Variants in SELE observed in about 807,000 individuals in gnomAD.
The protein encoded by SELE is E-selectin.
In SELE, 52 loss-of-function variants were observed where a neutral mutation model predicts 75.8. The observed-to-expected ratio is 0.69, with a 90% confidence interval of 0.55 to 0.86. The LOEUF is 0.86. Among genes scored for constraint, SELE ranks in the 40% least tolerant of loss-of-function variants. The probability of loss-of-function intolerance (pLI) is 0.00; values close to 1 mark genes in which losing one functional copy is unlikely to be tolerated. For missense variants in SELE, 754 were observed against 732.7 expected, an observed-to-expected ratio of 1.03 and a Z score of -0.34; for synonymous variants, 285 against 258.7, an observed-to-expected ratio of 1.10 and a Z score of -0.98.
At chr1:169,732,337 GTATA>G (rs1052284876) in intron 3 of SELE, among the ~76,000 whole-genome samples, 1 of 145,512 alleles carries the variant, frequency 6.9e-6, no homozygotes, top group Non-Finnish European at 1.5e-5. Context: ...ATGTGTGTAT[GTATA>G]TATATAAAAT....
At position 169,723,774 on chromosome 1, in the gene SELE, A is replaced by G. The variant is rs1558012269; in HGVS notation, c.*751T>C. 2 of 152,362 alleles carry G rather than the reference A, an allele frequency of 1.3e-5. No individual in the cohort carries two copies. Among genetic ancestry groups the G allele is most frequent in the Admixed American group, 6.5e-5 (1 of 15,304 alleles). 9.4% of individuals were successfully genotyped at this position (152,362 alleles called of 1,614,324 possible). A position where few individuals can be genotyped will look rare whatever the true frequency, so the allele number is the denominator to read the frequency against. On this transcript the variant is annotated 3_prime_UTR_variant, in exon 14 of 14. Coordinates refer to ENST00000333360, the MANE Select transcript of SELE (RefSeq NM_000450.2). Reference sequence around the variant, plus strand: ...TAATCTAGAATAAGTAACTTTTACCATATCATAGTTGACAGCATTTACAAG... The same window carrying G: ...TAATCTAGAATAAGTAACTTTTACCGTATCATAGTTGACAGCATTTACAAG...
chr1:169,732,575 AC>A, intron 3 of SELE, 39 bp downstream of exon 3: 1 of 1,520,440 alleles, frequency 6.6e-7, no homozygotes, highest in Non-Finnish European at 8.8e-7. Flanking sequence ...AGATGCCCAC[AC>A]ACTGAAACTA....
intron 5 of SELE, 116 bp downstream of exon 5, chr1:169,730,316 A>C: frequency 1.0e-6 from 1 of 982,524 alleles, no homozygotes; most frequent in Non-Finnish European, 1.4e-6. Flanking sequence ...ATTGTATTAA[A>C]AACAAAAACA....
intron 5 of SELE, 59 bp downstream of exon 5, chr1:169,730,373 A>G (rs1224756888): frequency 1.5e-6 from 2 of 1,378,456 alleles, no homozygotes; most frequent in East Asian, 4.8e-5. Context: ...TTGAATCAAA[A>G]AACAGAAGCA....
At chr1:169,731,252 T>G (rs952239224) in intron 4 of SELE, among the ~76,000 whole-genome samples, 65 of 152,340 alleles carry the variant, frequency 4.3e-4, no homozygotes, top group African/African-American at 1.5e-3. Context: ...AACATTTCCA[T>G]TATCACAAAA....
chr1:169,727,670 G>C (rs1011400742), intron 9 of SELE, 69 bp downstream of exon 9: 9 of 1,554,820 alleles, frequency 5.8e-6, no homozygotes, highest in Non-Finnish European at 7.9e-6. Context: ...CCCCTTTGGG[G>C]CAATCTAGGT....
In SELE at chr1:169,726,784, G is replaced by C; in HGVS notation, c.1668C>G (p.Pro556=). ...TCEAPTESNI[P]LVAGLSAAGL... ...CAGCAGCAGAAAGTCCAGCTACCAA[G>C]GGAATGTTGGACTCAGTGGGAGCTA... The change falls in exon 11 of 14, where the codon CCC becomes CCG. Residue 556 remains proline, a synonymous_variant. Transcript: ENST00000333360. The C allele has an allele frequency of 6.2e-7, 1 of 1,613,252 alleles. No individual in the cohort carries two copies. The highest frequency in any genetic ancestry group is 2.2e-5 in the East Asian group (1 of 44,832).
chr1:169,728,327 T>C, intron 7 of SELE, 81 bp from the exon 8 acceptor site: 2 of 1,275,752 alleles, frequency 1.6e-6, no homozygotes, highest in Non-Finnish European at 2.2e-6. Context: ...ACCCAGTTCA[T>C]TCAAGCAACA....
At position 169,730,535 on chromosome 1, in the gene SELE, A is replaced by C; in HGVS notation, c.612T>G (p.Ser204=). Residue 204 remains serine, a synonymous_variant, in exon 5 of 14, where the codon TCT becomes TCG. Transcript: ENST00000333360. ...SHPLGNFSYN[S]SCSISCDRGY... is the part of the protein sequence containing the mutation. Reference sequence around the variant, plus strand: ...CCCTATCACAGCTGATAGAGCAGGAAGAATTGTAGCTGAAGTTTCCCAGTG... The same window carrying C: ...CCCTATCACAGCTGATAGAGCAGGACGAATTGTAGCTGAAGTTTCCCAGTG... The C allele has an allele frequency of 6.2e-7, 1 of 1,614,052 alleles. No homozygotes were observed. Among genetic ancestry groups the C allele is most frequent in the South Asian group, 1.1e-5 (1 of 91,084 alleles).
At chr1:169,725,400 A>AAG (rs1553241950) in intron 13 of SELE, among the ~76,000 whole-genome samples, 1 of 151,724 alleles carries the variant, frequency 6.6e-6, no homozygotes, top group African/African-American at 2.4e-5. Context: ...AAAAAAAAAA[A>AAG]AGTAAAAAGA....
In SELE at chr1:169,727,801, C is replaced by T; in HGVS notation, c.1406G>A (p.Gly469Glu). 1 of 1,614,144 alleles carries T rather than the reference C, an allele frequency of 6.2e-7. No homozygotes were observed. ...AGATGTGCACTCAAGTTGAGTTGAT[C>T]CATGTAATTCAAATCCCTCCTCACA... ...FSCEEGFELHGSTQLECTSQG... is the reference protein window; with the variant it reads ...FSCEEGFELHESTQLECTSQG... The change falls in exon 9 of 14, where the codon GGA becomes GAA. Residue 469 changes from glycine (G) to glutamate (E), a missense_variant. By Grantham distance (98) the Gly-to-Glu change is moderately conservative. Transcript: ENST00000333360.
Position 169,728,006 on chromosome 1 carries a change from G to A in SELE, c.1279+52C>T, listed in dbSNP as rs56308776. ...TTTCCCAAGGTAACCAAGTTCCCAA[G>A]CTCTTCAATAGTTCTTTTTATCTTA... On this transcript the variant is annotated intron_variant, in intron 8 of 13. Coordinates refer to ENST00000333360, the MANE Select transcript of SELE (RefSeq NM_000450.2). 7.5e-3 allele frequency: 11,844 copies of A among 1,582,624 alleles called. 72 individuals carry two copies. The highest frequency in any genetic ancestry group is 8.6e-3 in the Non-Finnish European group (10,047 of 1,167,278).
Position 169,728,780 on chromosome 1 carries a change from T to C in SELE, c.1090+406A>G, listed in dbSNP as rs536462270. Among the ~76,000 whole-genome samples, 340 of 152,350 alleles carry C rather than the reference T, an allele frequency of 2.2e-3. 1 individual carries two copies. The highest frequency in any genetic ancestry group is 7.7e-3 in the African/African-American group (321 of 41,576). On this transcript the variant is annotated intron_variant, in intron 7 of 13. Transcript: ENST00000333360. The stretch of plus-strand genomic sequence containing the variant: ...TATATATGCATCAATACTATCTCTG[T>C]AGCTGACACCATGCTTGAAACAGTC...
chr1:169,731,633 T>C, intron 4 of SELE: 1 of 507,030 alleles, frequency 2.0e-6, no homozygotes, highest in Non-Finnish European at 3.6e-6. Context: ...TTAAACTATC[T>C]TGTCAAGGTG....
At chr1:169,725,684 G>C in intron 13 of SELE, 45 bp downstream of exon 13, 1 of 1,515,936 alleles carries the variant, frequency 6.6e-7, no homozygotes. Flanking sequence ...AGAGCATGTA[G>C]AGAAGATACC....
intron 5 of SELE, among the ~76,000 whole-genome samples, chr1:169,730,111 A>G (rs1648876013): frequency 6.6e-6 from 1 of 152,192 alleles, no homozygotes; most frequent in Non-Finnish European, 1.5e-5. Context: ...GTCTTAAGTT[A>G]GTCCCATGGC....
intron 2 of SELE, 144 bp downstream of exon 2, chr1:169,733,432 C>A: frequency 2.5e-6 from 2 of 789,098 alleles, no homozygotes; most frequent in East Asian, 2.5e-5. Context: ...TGACCCCAAG[C>A]CCAGGGAAGA....
chr1:169,727,136 C>T (rs138677022), intron 10 of SELE, among the ~76,000 whole-genome samples: 1 of 152,312 alleles, frequency 6.6e-6, no homozygotes, highest in Non-Finnish European at 1.5e-5. Flanking sequence ...CCTCTCCTCT[C>T]TCTGTCTCCT....
chr1:169,732,890 G>C lies in SELE; in HGVS notation c.146C>G (p.Ala49Gly), dbSNP rs1312886629. The change falls in exon 3 of 14, where the codon GCA becomes GGA. Residue 49 changes from alanine (A) to glycine (G), a missense_variant. Ala to Gly is a moderately conservative substitution (Grantham distance 60). Transcript: ENST00000333360. ...YCQQRYTHLV[A>G]IQNKEEIEYL... ...CTCAATCTCTTCTTTGTTTTGAATT[G>C]CAACCAGGTGTGTGTACCTTTGCTG... 10 of 1,614,112 alleles carry C rather than the reference G, an allele frequency of 6.2e-6. No homozygotes were observed. The highest frequency in any genetic ancestry group is 1.7e-5 in the Admixed American group (1 of 60,020).
Sources: allele counts gnomAD v4.1 joint callset (sites outside exome capture counted in the v4.1 genomes callset), GRCh38; gene constraint gnomAD v4.1.1; transcripts MANE v1.5; gene names NCBI Gene and HGNC (gene_info 2026-07-23, HGNC 2026-07-21).